Variants in PLPP1 observed in about 807,000 individuals in gnomAD.
PLPP1 encodes the protein phospholipid phosphatase 1.
A neutral mutation model predicts 31.2 loss-of-function variants in PLPP1; 24 were observed. That is an observed-to-expected ratio of 0.77 (90% CI 0.56 to 1.08). The LOEUF (loss-of-function observed/expected upper bound fraction) is 1.08. PLPP1 is among the 50% of genes least tolerant of loss of function. PLPP1 has a pLI of 0.00. For synonymous variants in PLPP1, 146 were observed against 126.3 expected (o/e 1.16, Z -1.05); for missense variants, 319 against 342.7 (o/e 0.93, Z 0.55).
chr5:55,446,671 T>C (rs990559671), intron 3 of PLPP1, among the ~76,000 whole-genome samples: 1 of 152,246 alleles, frequency 6.6e-6, no homozygotes, highest in African/African-American at 2.4e-5. Context: ...TGTTCACTTA[T>C]GCTGGGTTCA....
intron 3 of PLPP1, among the ~76,000 whole-genome samples, chr5:55,458,887 C>CAAAAAAAAAAAAA (rs529067608): frequency 5.7e-4 from 12 of 21,104 alleles, no homozygotes; most frequent in South Asian, 1.4e-3. Flanking sequence ...ACCCTGTCTC[C>CAAAAAAAAAAAAA]AAAAAAAAAA....
At chr5:55,426,542 T>C (rs1002417862) in intron 4 of PLPP1, among the ~76,000 whole-genome samples, 15 of 151,186 alleles carry the variant, frequency 9.9e-5, no homozygotes, top group African/African-American at 3.4e-4. Context: ...GCTGGGACTA[T>C]AGGTACATGT....
intron 2 of PLPP1, among the ~76,000 whole-genome samples, chr5:55,471,802 T>C (rs994345868): frequency 6.6e-6 from 1 of 152,184 alleles, no homozygotes; most frequent in African/African-American, 2.4e-5. Flanking sequence ...GCTGAGTTAA[T>C]GAATAAAATT....
At chr5:55,520,626 A>G (rs1011591590) in intron 1 of PLPP1, among the ~76,000 whole-genome samples, 1 of 152,220 alleles carries the variant, frequency 6.6e-6, no homozygotes, top group Admixed American at 6.5e-5. Flanking sequence ...TGACCTGCCC[A>G]ATGTCACACA....
intron 5 of PLPP1, 114 bp downstream of exon 5, chr5:55,425,749 T>C: frequency 1.0e-6 from 1 of 968,354 alleles, no homozygotes. Context: ...ATTGAGATTC[T>C]TGCCCACTGC....
intron 3 of PLPP1, among the ~76,000 whole-genome samples, chr5:55,448,415 C>G (rs182432843): frequency 1.3e-5 from 2 of 149,704 alleles, no homozygotes; most frequent in African/African-American, 4.9e-5. Context: ...GCAACACTGC[C>G]GGAAACTCAA....
chr5:55,497,412 A>ATTTTTTT (rs199571704), intron 1 of PLPP1, among the ~76,000 whole-genome samples: 1 of 140,264 alleles, frequency 7.1e-6, no homozygotes, highest in African/African-American at 2.6e-5. Flanking sequence ...TTCCTGGCTA[A>ATTTTTTT]TTTTTTCTTT....
chr5:55,469,500 A>G (rs1752375707), intron 2 of PLPP1, among the ~76,000 whole-genome samples: 3 of 95,306 alleles, frequency 3.1e-5, no homozygotes, highest in African/African-American at 7.4e-5. Flanking sequence ...TCAAAAAATA[A>G]TAATAAAAAT....
At chr5:55,436,464 G>A (rs563043964) in intron 4 of PLPP1, among the ~76,000 whole-genome samples, 1 of 152,240 alleles carries the variant, frequency 6.6e-6, no homozygotes, top group East Asian at 1.9e-4. Flanking sequence ...CTTGCCTTCC[G>A]CCATGCTTGT....
chr5:55,502,359 C>T (rs1173233018), intron 1 of PLPP1, among the ~76,000 whole-genome samples: 1 of 152,110 alleles, frequency 6.6e-6, no homozygotes. Context: ...TGGTGGCGCA[C>T]ACCTGTAGTC....
chr5:55,504,433 G>C (rs955751899), intron 1 of PLPP1, among the ~76,000 whole-genome samples: 1 of 149,592 alleles, frequency 6.7e-6, no homozygotes, highest in Non-Finnish European at 1.5e-5. Context: ...GAGGCAGGAG[G>C]AGAAGCGCTT....
Position 55,425,328 on chromosome 5 carries a change from A to G in PLPP1, c.733T>C (p.Tyr245His), listed in dbSNP as rs1429342726. Reference sequence around the variant, plus strand: ...CTTTCTTTGAAGAAATCCGATACATATACAGCCTACAGTGCAAAATATTTA... The same window carrying G: ...CTTTCTTTGAAGAAATCCGATACATGTACAGCCTACAGTGCAAAATATTTA... ...GALVAILVAV[Y>H]VSDFFKERTS... The change falls in exon 6 of 6, where the codon TAT (tyrosine) becomes CAT (histidine). Residue 245 changes from tyrosine (Y) to histidine (H), a missense_variant. Physicochemically the swap from Tyr to His is moderately conservative, Grantham distance 83. Transcript: ENST00000307259. The G allele has an allele frequency of 1.9e-6, 3 of 1,601,340 alleles. No individual in the cohort carries two copies. In the East Asian group the frequency reaches 6.7e-5, roughly 36 times the overall value.
intron 4 of PLPP1, among the ~76,000 whole-genome samples, chr5:55,432,776 AAC>A (rs1751389654): frequency 6.9e-6 from 1 of 144,678 alleles, no homozygotes; most frequent in Admixed American, 7.2e-5. Context: ...GTCTTTTAAT[AAC>A]ATTCAACATC....
intron 1 of PLPP1, among the ~76,000 whole-genome samples, chr5:55,498,688 A>C (rs1008734655): frequency 6.6e-5 from 10 of 152,036 alleles, no homozygotes; most frequent in African/African-American, 2.4e-4. Context: ...TCAAACAAAC[A>C]AACCAAGAAG....
At chr5:55,502,315 C>T (rs929435816) in intron 1 of PLPP1, among the ~76,000 whole-genome samples, 3 of 152,098 alleles carry the variant, frequency 2.0e-5, no homozygotes, top group East Asian at 1.9e-4. Flanking sequence ...GGTGAAACCC[C>T]GTCTCTACGA....
intron 2 of PLPP1, 30 bp downstream of exon 2, chr5:55,475,269 T>G: frequency 6.3e-7 from 1 of 1,578,884 alleles, no homozygotes; most frequent in Non-Finnish European, 8.6e-7. Flanking sequence ...GCCCAAAAGT[T>G]ATAAACTTGG....
At chr5:55,521,324 C>T (rs1258797749) in intron 1 of PLPP1, among the ~76,000 whole-genome samples, 2 of 146,096 alleles carry the variant, frequency 1.4e-5, no homozygotes, top group East Asian at 4.0e-4. Flanking sequence ...TGCACACCAG[C>T]CTGGGTGACA....
chr5:55,471,344 G>C (rs1366671794), intron 2 of PLPP1, among the ~76,000 whole-genome samples: 1 of 151,846 alleles, frequency 6.6e-6, no homozygotes, highest in Non-Finnish European at 1.5e-5. Flanking sequence ...CAGGATTACA[G>C]GCACCCACCA....
At chr5:55,429,201 C>A (rs1421654334) in intron 4 of PLPP1, among the ~76,000 whole-genome samples, 1 of 150,676 alleles carries the variant, frequency 6.6e-6, no homozygotes, top group Non-Finnish European at 1.5e-5. Context: ...GAAGCAAAAG[C>A]TATGGTCGAG....
Sources: gnomAD v4.1 joint callset for allele counts (sites outside exome capture counted in the v4.1 genomes callset) on GRCh38, gnomAD v4.1.1 for gene constraint, MANE v1.5 for transcripts, NCBI Gene and HGNC (gene_info 2026-07-23, HGNC 2026-07-21) for gene names.